The following ZNF536 variants were observed in gnomAD, a reference collection of about 807,000 sequenced individuals.
ZNF536 encodes zinc finger protein 536.
A neutral mutation model predicts 84.5 loss-of-function variants in ZNF536; 13 were observed. The observed-to-expected ratio is 0.15, with a 90% CI of 0.10 to 0.24. ZNF536 has a LOEUF of 0.24. Ranked by LOEUF, ZNF536 falls within the 10% of genes least tolerant of loss-of-function variation. The probability of loss-of-function intolerance (pLI) is 1.00; values close to 1 mark genes in which losing one functional copy is unlikely to be tolerated. For missense variants in ZNF536, 1,536 were observed against 1,747.5 expected (o/e 0.88, Z 2.16); for synonymous variants, 811 against 742.5 (o/e 1.09, Z -1.50).
chr19:30,306,111 T>C (rs1282091330), intron 2 of ZNF536, among the ~76,000 whole-genome samples: 2 of 152,270 alleles, frequency 1.3e-5, no homozygotes, highest in Non-Finnish European at 2.9e-5. Context: ...TTGGCAGTTT[T>C]AATTCTACAC....
intron 2 of ZNF536, among the ~76,000 whole-genome samples, chr19:30,449,898 T>A (rs1266044404): frequency 2.6e-5 from 4 of 152,140 alleles, no homozygotes; most frequent in Non-Finnish European, 5.9e-5. Context: ...ACATGGGGTG[T>A]ATAGTGATAT....
chr19:30,449,393 T>C (rs1339555328), intron 2 of ZNF536, among the ~76,000 whole-genome samples: 1 of 152,228 alleles, frequency 6.6e-6, no homozygotes, highest in African/African-American at 2.4e-5. Context: ...CATCTTTCTC[T>C]AAAACCTCCT....
chr19:30,254,902 G>A (rs1331134442), intron 1 of ZNF536, among the ~76,000 whole-genome samples: 1 of 152,190 alleles, frequency 6.6e-6, no homozygotes, highest in African/African-American at 2.4e-5. Context: ...GGACTTAAAA[G>A]TCTTTAAAAT....
chr19:30,554,874 G>C (rs1463624828), intron 4 of ZNF536: 1 of 152,190 alleles, frequency 6.6e-6, no homozygotes, highest in African/African-American at 2.4e-5. Context: ...TGCAAACACT[G>C]GTCCTCTGTT....
chr19:30,409,060 A>G (rs1381320939), intron 1 of ZNF536, among the ~76,000 whole-genome samples: 3 of 151,366 alleles, frequency 2.0e-5, no homozygotes, highest in Non-Finnish European at 4.4e-5. Context: ...CCATCCACTC[A>G]TCCATCCATC....
At chr19:30,347,726 G>T (rs1177343861) in intron 2 of ZNF536, among the ~76,000 whole-genome samples, 2 of 152,202 alleles carry the variant, frequency 1.3e-5, no homozygotes, top group Non-Finnish European at 2.9e-5. Context: ...GAAACACCCA[G>T]AACGAATCCT....
chr19:30,578,760 G>A (rs543837777), intron 1 of ZNF536, among the ~76,000 whole-genome samples: 8 of 152,338 alleles, frequency 5.3e-5, no homozygotes, highest in South Asian at 2.1e-4. Flanking sequence ...ACTGCTCACC[G>A]TAGGCTTGAC....
intron 1 of ZNF536, among the ~76,000 whole-genome samples, chr19:30,404,731 A>G (rs564430536): frequency 1.3e-5 from 2 of 152,062 alleles, no homozygotes; most frequent in Admixed American, 1.3e-4. Context: ...AAATGTCCGG[A>G]GGCGGGGGGG....
intron 3 of ZNF536, among the ~76,000 whole-genome samples, chr19:30,352,766 T>G (rs2047974370): frequency 6.6e-6 from 1 of 152,108 alleles, no homozygotes; most frequent in Non-Finnish European, 1.5e-5. Flanking sequence ...CACAAAGAGA[T>G]CGTGAAAAAA....
chr19:30,653,344 G>C (rs747989442), intron 1 of ZNF536, among the ~76,000 whole-genome samples: 1 of 152,044 alleles, frequency 6.6e-6, no homozygotes, highest in Non-Finnish European at 1.5e-5. Flanking sequence ...ATCTGCTTTC[G>C]GGGAGACAAG....
At chr19:30,424,777 T>A (rs1313119028) in intron 1 of ZNF536, among the ~76,000 whole-genome samples, 9 of 152,056 alleles carry the variant, frequency 5.9e-5, no homozygotes, top group Admixed American at 2.6e-4. Context: ...GAAAGACCCA[T>A]TAGTGGGATT....
intron 1 of ZNF536, among the ~76,000 whole-genome samples, chr19:30,593,185 C>T (rs1265745036): frequency 6.6e-6 from 1 of 152,160 alleles, no homozygotes; most frequent in Non-Finnish European, 1.5e-5. Flanking sequence ...CTGCTCTCTT[C>T]CATCTCGCAG....
chr19:30,336,833 T>C (rs2047398399), intron 2 of ZNF536, among the ~76,000 whole-genome samples: 1 of 152,136 alleles, frequency 6.6e-6, no homozygotes, highest in African/African-American at 2.4e-5. Context: ...TGAAATTGCA[T>C]TTGAGGATGG....
intron 1 of ZNF536, among the ~76,000 whole-genome samples, chr19:30,639,324 T>C (rs1021093466): frequency 6.6e-6 from 1 of 152,250 alleles, no homozygotes; most frequent in African/African-American, 2.4e-5. Context: ...GTATTTAACC[T>C]GGTGTACCCG....
chr19:30,417,744 A>G (rs978976881), intron 1 of ZNF536, among the ~76,000 whole-genome samples: 3 of 152,154 alleles, frequency 2.0e-5, no homozygotes, highest in African/African-American at 7.2e-5. Context: ...TATCACAAGG[A>G]CATGTTTTGG....
chr19:30,544,867 G>T (rs377417896), intron 3 of ZNF536, among the ~76,000 whole-genome samples: 16 of 152,292 alleles, frequency 1.1e-4, no homozygotes, highest in African/African-American at 3.6e-4. Context: ...CTTATTACAG[G>T]TTGAGGAAGA....
chr19:30,584,043 C>A (rs2047012168), intron 1 of ZNF536, among the ~76,000 whole-genome samples: 1 of 152,150 alleles, frequency 6.6e-6, no homozygotes, highest in Admixed American at 6.5e-5. Context: ...ACAGTCAGCC[C>A]TGGCCAACCA....
At chr19:30,604,526 G>A (rs1206161010) in intron 1 of ZNF536, among the ~76,000 whole-genome samples, 1 of 152,136 alleles carries the variant, frequency 6.6e-6, no homozygotes, top group African/African-American at 2.4e-5. Context: ...TTTATGTCAG[G>A]AGTTTTTGTG....
At chr19:30,662,895 GTCC>G (rs2050172645) in intron 1 of ZNF536, among the ~76,000 whole-genome samples, 1 of 148,838 alleles carries the variant, frequency 6.7e-6, no homozygotes, top group South Asian at 2.2e-4. Flanking sequence ...GAAATAATAA[GTCC>G]TCCTTAAAGA....
Sources: gnomAD v4.1 joint callset for allele counts (sites outside exome capture counted in the v4.1 genomes callset) on GRCh38, gnomAD v4.1.1 for gene constraint, MANE v1.5 for transcripts, NCBI Gene and HGNC (gene_info 2026-07-23, HGNC 2026-07-21) for gene names.